Variants in MAP2K2 observed in about 807,000 individuals in gnomAD.
MAP2K2 encodes the protein dual specificity mitogen-activated protein kinase kinase 2.
Under a neutral mutation model 43.7 loss-of-function variants are expected in MAP2K2, and 24 were observed. The ratio of observed to expected loss-of-function variants is 0.55; its 90% CI spans 0.40 to 0.77. The LOEUF (loss-of-function observed/expected upper bound fraction) is 0.77. Among genes scored for constraint, MAP2K2 ranks in the 30% least tolerant of loss-of-function variants. The pLI, the probability that MAP2K2 is intolerant of heterozygous loss-of-function variation, is 0.00. For synonymous variants in MAP2K2, 244 were observed against 239.7 expected (o/e 1.02, Z -0.17); for missense variants, 470 against 566.8 (o/e 0.83, Z 1.73).
chr19:4,111,153 CTGA>C (rs2041149405), intron 2 of MAP2K2, among the ~76,000 whole-genome samples: 1 of 152,082 alleles, frequency 6.6e-6, no homozygotes, highest in Non-Finnish European at 1.5e-5. Flanking sequence ...GGGGTGACTG[CTGA>C]TGTGGACAGG....
intron 3 of MAP2K2, among the ~76,000 whole-genome samples, chr19:4,110,281 T>G (rs1001455607): frequency 6.6e-6 from 1 of 152,028 alleles, no homozygotes; most frequent in Non-Finnish European, 1.5e-5. Context: ...GATTCTAGCC[T>G]GAGTGACAGA....
Position 4,103,874 on chromosome 19 carries a change from G to A in MAP2K2, c.451-1421C>T, listed in dbSNP as rs1194141761. 3.9e-5 allele frequency among the ~76,000 whole-genome samples: 6 copies of A among 152,230 alleles called. No individual in the cohort carries two copies. The East Asian group carries it at 7.7e-4, about 20-fold the overall frequency. On this transcript the variant is annotated intron_variant, in intron 3 of 10. Transcript: ENST00000262948. ...CCAGGGCTCAGACAGCCCAGGAGGAGGTGCCAGGACGGGAGCTCCAGTGAG... is the reference window on the plus strand; with the variant it reads ...CCAGGGCTCAGACAGCCCAGGAGGAAGTGCCAGGACGGGAGCTCCAGTGAG...
chr19:4,109,669 T>C (rs2041130409), intron 3 of MAP2K2, among the ~76,000 whole-genome samples: 1 of 152,086 alleles, frequency 6.6e-6, no homozygotes, highest in South Asian at 2.1e-4. Flanking sequence ...AGAGATGGTT[T>C]CTCACTATGT....
Position 4,101,514 on chromosome 19 carries a change from G to GC in MAP2K2, c.529-235dup, listed in dbSNP as rs1377545571. On this transcript the variant is annotated intron_variant, in intron 4 of 10. Coordinates refer to ENST00000262948, the MANE Select transcript of MAP2K2 (RefSeq NM_030662.4). The surrounding 1 kb of genome is among the most constrained non-coding windows in gnomAD (Gnocchi z 6.3). ...CCCCGGTTCCCATGGCCGCAGTGCC[G>GC]CCGATGCCACTACTGCCTTTGATTC... 6.6e-6 allele frequency among the ~76,000 whole-genome samples: 1 copy of GC among 152,188 alleles called. No homozygotes were observed. Among genetic ancestry groups the GC allele is most frequent in the African/African-American group, 2.4e-5 (1 of 41,448 alleles).
chr19:4,090,760 G>T (rs759583555), intron 10 of MAP2K2, 52 bp from the exon 11 acceptor site: 1 of 1,257,424 alleles, frequency 8.0e-7, no homozygotes. Context: ...ACAGTAGGAC[G>T]GGGAGGGCCA....
intron 1 of MAP2K2, among the ~76,000 whole-genome samples, chr19:4,123,006 C>T (rs1246139017): frequency 6.6e-6 from 1 of 151,158 alleles, no homozygotes; most frequent in East Asian, 2.0e-4. Context: ...CCTGACCTCC[C>T]CACACCCCAT....
chr19:4,123,579 GCCCCC>G (rs2041329425), intron 1 of MAP2K2, among the ~76,000 whole-genome samples, 200 bp downstream of exon 1: 1 of 119,260 alleles, frequency 8.4e-6, no homozygotes, highest in Admixed American at 8.2e-5. Flanking sequence ...TCCCCCGAGG[GCCCCC>G]TGCCCCGTCC....
intron 6 of MAP2K2, chr19:4,100,616 G>A (rs749614019): frequency 4.2e-6 from 1 of 235,808 alleles, no homozygotes; most frequent in Non-Finnish European, 8.6e-6. Flanking sequence ...AGGAGTTCAT[G>A]AGCAGCCTGG....
chr19:4,096,445 C>G (rs141136171), intron 8 of MAP2K2, among the ~76,000 whole-genome samples: 1 of 152,220 alleles, frequency 6.6e-6, no homozygotes, highest in Non-Finnish European at 1.5e-5. Context: ...GGCCTGGTCA[C>G]GTGGCCAACA....
chr19:4,107,261 C>T (rs372669019), intron 3 of MAP2K2, among the ~76,000 whole-genome samples: 13 of 151,924 alleles, frequency 8.6e-5, no homozygotes, highest in African/African-American at 3.1e-4. Flanking sequence ...CGGTGGCTCA[C>T]GCCTGTAATC....
chr19:4,104,044 AC>A (rs1301969936), intron 3 of MAP2K2, among the ~76,000 whole-genome samples: 1 of 152,186 alleles, frequency 6.6e-6, no homozygotes, highest in Non-Finnish European at 1.5e-5. Flanking sequence ...CAGGCGGATC[AC>A]TTGAGGTCAG....
intron 3 of MAP2K2, among the ~76,000 whole-genome samples, chr19:4,108,297 G>C (rs906374460): frequency 6.6e-6 from 1 of 152,148 alleles, no homozygotes; most frequent in African/African-American, 2.4e-5. Context: ...CTGGAGTGCA[G>C]TGGCACGATC....
intron 7 of MAP2K2, among the ~76,000 whole-genome samples, chr19:4,098,478 G>C (rs139058439): frequency 0.011 from 1,678 of 152,256 alleles, 17 homozygotes; most frequent in Middle Eastern, 0.044. Flanking sequence ...TTTGGGGTCT[G>C]ACGCCACCAA....
At chr19:4,100,429 CAAAAAAA>C (rs564673420) in intron 6 of MAP2K2, 5 of 53,846 alleles carry the variant, frequency 9.3e-5, no homozygotes, top group Non-Finnish European at 1.6e-4. Context: ...GACTCTGTCT[CAAAAAAA>C]AAAAAAAAAA....
rs1347368757 is a variant in MAP2K2 at position 4,115,960 on chromosome 19, C to T, written c.303+1459G>A. 6.6e-6 allele frequency among the ~76,000 whole-genome samples: 1 copy of T among 152,186 alleles called. No homozygotes were observed. Among genetic ancestry groups the T allele is most frequent in the Non-Finnish European group, 1.5e-5 (1 of 68,026 alleles). On this transcript the variant is annotated intron_variant, in intron 2 of 10. Coordinates refer to ENST00000262948, the MANE Select transcript of MAP2K2 (RefSeq NM_030662.4). This position sits in a 1 kb window ranked among gnomAD's most constrained non-coding sequence, Gnocchi z 4.1. ...ATCCCCTGGGCACTATTCTCAAACA[C>T]AGAGCACAGAGGCTGCATCATGGCC...
At chr19:4,094,988 G>A (rs1269696839) in intron 9 of MAP2K2, 6 of 351,944 alleles carry the variant, frequency 1.7e-5, no homozygotes, top group Non-Finnish European at 3.2e-5. Context: ...CCACGCCACA[G>A]GTGCTGCTGG....
chr19:4,122,687 C>T (rs2041316758), intron 1 of MAP2K2, among the ~76,000 whole-genome samples: 1 of 150,092 alleles, frequency 6.7e-6, no homozygotes, highest in Admixed American at 6.6e-5. Context: ...CCATCTTTTC[C>T]CCAAAGGGAT....
chr19:4,119,187 A>G (rs2041263360), intron 1 of MAP2K2, among the ~76,000 whole-genome samples: 1 of 152,120 alleles, frequency 6.6e-6, no homozygotes, highest in African/African-American at 2.4e-5. Flanking sequence ...GGTGTGAGCC[A>G]TCATGTCTGG....
rs186337974 is a variant in MAP2K2, at chr19:4,107,343, C to A, written c.450+3166G>T. ...ATCGAGACCATCCTGGCTAACACAG[C>A]GAAACCCCGTCTCTACTAAAAATAC... On this transcript the variant is annotated intron_variant, in intron 3 of 10. Transcript: ENST00000262948. 4.9e-3 allele frequency among the ~76,000 whole-genome samples: 740 copies of A among 151,568 alleles called. 5 individuals are homozygous for A. The highest frequency in any genetic ancestry group is 0.017 in the African/African-American group (712 of 41,310).
Sources: allele counts gnomAD v4.1 joint callset (sites outside exome capture counted in the v4.1 genomes callset), GRCh38; gene constraint gnomAD v4.1.1; non-coding constraint Gnocchi (gnomAD v3.1); transcripts MANE v1.5; gene names NCBI Gene and HGNC (gene_info 2026-07-23, HGNC 2026-07-21).